VPS45: variants seen among roughly 807,000 people sequenced by gnomAD.
The protein encoded by VPS45 is vacuolar protein sorting-associated protein 45.
A neutral mutation model predicts 75.9 loss-of-function variants in VPS45; 35 were observed. That is an observed-to-expected ratio of 0.46 (90% CI 0.35 to 0.61). The LOEUF (loss-of-function observed/expected upper bound fraction) is 0.61. Ranked by LOEUF, VPS45 falls within the 20% of genes least tolerant of loss-of-function variation. The pLI, the probability that VPS45 is intolerant of heterozygous loss-of-function variation, is 0.00. For missense variants in VPS45, 559 were observed against 685.9 expected, an observed-to-expected ratio of 0.81 and a Z score of 2.07; for synonymous variants, 220 against 238.2, an observed-to-expected ratio of 0.92 and a Z score of 0.70.
intron 10 of VPS45, among the ~76,000 whole-genome samples, chr1:150,089,982 A>G (rs1553801609): frequency 6.6e-6 from 1 of 152,248 alleles, no homozygotes; most frequent in African/African-American, 2.4e-5. Flanking sequence ...CTTGAAAGCT[A>G]CATGGGAGGT....
At chr1:150,091,913 A>C (rs1656340745) in intron 10 of VPS45, 24 bp from the exon 11 acceptor site, 3 of 1,605,936 alleles carry the variant, frequency 1.9e-6, no homozygotes, top group African/African-American at 1.3e-5. Context: ...AAGGGGGATA[A>C]ATATAAGTTC....
chr1:150,090,853 T>C (rs965133297), intron 10 of VPS45, among the ~76,000 whole-genome samples: 5 of 152,256 alleles, frequency 3.3e-5, no homozygotes, highest in Non-Finnish European at 7.3e-5. Flanking sequence ...ATTTGCATCC[T>C]TTTTATTTGC....
At chr1:150,117,271 C>G (rs1276321513) in intron 14 of VPS45, among the ~76,000 whole-genome samples, 1 of 151,480 alleles carries the variant, frequency 6.6e-6, no homozygotes. Context: ...CCTGTAATCC[C>G]AGCACTTTGG....
At chr1:150,073,324 GTACA>G (rs1267398911) in intron 3 of VPS45, among the ~76,000 whole-genome samples, 2 of 152,048 alleles carry the variant, frequency 1.3e-5, no homozygotes, top group Non-Finnish European at 2.9e-5. Flanking sequence ...AGTCTAAGAC[GTACA>G]TACTTTCTTC....
chr1:150,078,065 C>G (rs1245303677), intron 7 of VPS45, among the ~76,000 whole-genome samples: 3 of 152,244 alleles, frequency 2.0e-5, no homozygotes. Flanking sequence ...CTTCTGTCTC[C>G]TCATTTCCAT....
At chr1:150,129,158 C>T (rs587707584) in intron 14 of VPS45, among the ~76,000 whole-genome samples, 12 of 152,208 alleles carry the variant, frequency 7.9e-5, no homozygotes, top group Non-Finnish European at 1.3e-4. Flanking sequence ...GTTCTGTGCA[C>T]GGTGCTAGAA....
At chr1:150,084,914 AT>A (rs58372980) in intron 10 of VPS45, among the ~76,000 whole-genome samples, 6,620 of 150,144 alleles carry the variant, frequency 0.044, 472 homozygotes, top group African/African-American at 0.15. Context: ...TCTAAGCATG[AT>A]TTTTTTTTTA....
chr1:150,112,007 A>G (rs1017165269), intron 14 of VPS45, among the ~76,000 whole-genome samples: 4 of 152,150 alleles, frequency 2.6e-5, no homozygotes, highest in African/African-American at 4.8e-5. Flanking sequence ...TTGGGTTTGA[A>G]TCCTGATTTC....
At chr1:150,124,587 A>C (rs1553810325) in intron 14 of VPS45, among the ~76,000 whole-genome samples, 1 of 126,626 alleles carries the variant, frequency 7.9e-6, no homozygotes, top group East Asian at 2.2e-4. Flanking sequence ...TCGCCCTGTC[A>C]CCCAGGCTGG....
At chr1:150,125,308 T>C (rs1382749821) in intron 14 of VPS45, among the ~76,000 whole-genome samples, 1 of 149,960 alleles carries the variant, frequency 6.7e-6, no homozygotes, top group African/African-American at 2.4e-5. Flanking sequence ...TTTTTCTGTA[T>C]TGGATATGTA....
chr1:150,124,552 C>CTT (rs1415553849), intron 14 of VPS45, among the ~76,000 whole-genome samples: 119,070 of 139,972 alleles, frequency 0.85, 52,076 homozygotes, highest in East Asian at 0.99. Flanking sequence ...TTTCTTTTTT[C>CTT]TTTTTTTTTT....
intron 4 of VPS45, 55 bp downstream of exon 4, chr1:150,076,367 G>A: frequency 1.1e-5 from 16 of 1,415,820 alleles, no homozygotes; most frequent in Non-Finnish European, 1.5e-5. Flanking sequence ...TTAAATATTT[G>A]AGTCTAAAAA....
chr1:150,115,836 G>A (rs56894379), intron 14 of VPS45, among the ~76,000 whole-genome samples: 3,262 of 152,086 alleles, frequency 0.021, 97 homozygotes, highest in African/African-American at 0.074. Context: ...TCTTACCGAG[G>A]CCTAAGCCTT....
In VPS45 at chr1:150,103,097, G is replaced by A. The variant is rs188179174; in HGVS notation, c.1494-7399G>A. ...TTTAACAAAATAAGATATTATCCTT[G>A]ATTATCCTTGTATATCTCTATACAG... On this transcript the variant is annotated intron_variant, in intron 13 of 14. Coordinates refer to ENST00000644510, the MANE Select transcript of VPS45 (RefSeq NM_007259.5). 1.7e-4 allele frequency among the ~76,000 whole-genome samples: 25 copies of A among 151,066 alleles called. No homozygotes were observed. In the East Asian group the frequency reaches 3.1e-3, roughly 19 times the overall value.
At chr1:150,076,608 T>C (rs1057489988) in intron 4 of VPS45, 15 of 490,256 alleles carry the variant, frequency 3.1e-5, no homozygotes, top group Middle Eastern at 5.5e-4. Context: ...GAGTAGAACA[T>C]TGTATCTCCT....
chr1:150,134,986 T>TA (rs1414368928), intron 14 of VPS45, among the ~76,000 whole-genome samples: 15 of 152,134 alleles, frequency 9.9e-5, no homozygotes, highest in African/African-American at 3.1e-4. Context: ...CAAACATAAA[T>TA]AAAACATCCC....
intron 14 of VPS45, among the ~76,000 whole-genome samples, chr1:150,121,438 G>T (rs1206973366): frequency 6.6e-6 from 1 of 152,172 alleles, no homozygotes; most frequent in Non-Finnish European, 1.5e-5. Context: ...TGTCTCTGGG[G>T]TCTATGCAGG....
At chr1:150,081,297 C>T (rs782720700) in intron 7 of VPS45, 45 bp from the exon 8 acceptor site, 1 of 1,552,064 alleles carries the variant, frequency 6.4e-7, no homozygotes, top group Non-Finnish European at 8.7e-7. Context: ...TTTACTATTT[C>T]CATATTCTGT....
chr1:150,119,433 T>C (rs1658112384), intron 14 of VPS45, among the ~76,000 whole-genome samples: 1 of 152,226 alleles, frequency 6.6e-6, no homozygotes, highest in Admixed American at 6.5e-5. Flanking sequence ...CTCTGTAATA[T>C]ATGGGTTATT....
Sources: allele counts gnomAD v4.1 joint callset (sites outside exome capture counted in the v4.1 genomes callset), GRCh38; gene constraint gnomAD v4.1.1; transcripts MANE v1.5; gene names NCBI Gene and HGNC (gene_info 2026-07-23, HGNC 2026-07-21).